Variants in CENPP observed in about 807,000 individuals in gnomAD.
CENPP encodes centromere protein P.
Under a neutral mutation model 35.6 loss-of-function variants are expected in CENPP, and 24 were observed. The ratio of observed to expected loss-of-function variants is 0.67; its 90% CI spans 0.49 to 0.95. The LOEUF is 0.95. Among genes scored for constraint, CENPP ranks in the 40% least tolerant of loss-of-function variants. The pLI, the probability that CENPP is intolerant of heterozygous loss-of-function variation, is 0.00. For synonymous variants in CENPP, 120 were observed against 125.5 expected (o/e 0.96, Z 0.29); for missense variants, 332 against 345.3 (o/e 0.96, Z 0.31).
chr9:92,554,955 G>T (rs1849689992), intron 5 of CENPP, among the ~76,000 whole-genome samples: 1 of 151,916 alleles, frequency 6.6e-6, no homozygotes, highest in African/African-American at 2.4e-5. Context: ...CTAGTATTTT[G>T]TTATGGATTT....
At chr9:92,361,172 A>T (rs962907752) in intron 4 of CENPP, among the ~76,000 whole-genome samples, 17 of 145,698 alleles carry the variant, frequency 1.2e-4, no homozygotes, top group Non-Finnish European at 1.8e-4. Flanking sequence ...ATGGAGTCAC[A>T]CTCTGTTGCC....
In CENPP at chr9:92,385,540, A is replaced by G. The variant is rs763193411; in HGVS notation, c.564+5681A>G. 77 of 1,220,436 alleles carry G rather than the reference A, an allele frequency of 6.3e-5. 1 individual carries two copies. Among genetic ancestry groups the G allele is most frequent in the Non-Finnish European group, 8.4e-5 (72 of 856,958 alleles). The allele number at this position is 1,220,436 out of a possible 1,614,324, so 75.6% of individuals were successfully genotyped here. A position where few individuals can be genotyped will look rare whatever the true frequency, so the allele number is the denominator to read the frequency against. On this transcript the variant is annotated intron_variant, in intron 5 of 7. Coordinates refer to ENST00000375587, the MANE Select transcript of CENPP (RefSeq NM_001012267.3). The stretch of plus-strand genomic sequence containing the variant: ...GAGATACAAGGTTAATATTAAACCA[A>G]TACTTAAGTTCCTTTACTCATTGTT...
At chr9:92,482,652 G>C (rs549582043) in intron 5 of CENPP, 1 of 152,320 alleles carries the variant, frequency 6.6e-6, no homozygotes, top group Admixed American at 6.5e-5. Context: ...ATGGCAACTG[G>C]CCATTGAAAG....
intron 4 of CENPP, among the ~76,000 whole-genome samples, chr9:92,369,203 C>G (rs1159586369): frequency 6.6e-6 from 1 of 152,126 alleles, no homozygotes; most frequent in Non-Finnish European, 1.5e-5. Context: ...ACATGAGGAG[C>G]ACTGGGGTCA....
At chr9:92,546,190 C>A (rs1411837675) in intron 5 of CENPP, among the ~76,000 whole-genome samples, 2 of 152,138 alleles carry the variant, frequency 1.3e-5, no homozygotes, top group African/African-American at 2.4e-5. Context: ...CCAGTCAGTA[C>A]CCTGTCAAAA....
chr9:92,349,564 C>T (rs1021882343), intron 4 of CENPP, among the ~76,000 whole-genome samples: 1 of 151,906 alleles, frequency 6.6e-6, no homozygotes, highest in African/African-American at 2.4e-5. Flanking sequence ...CCACCACACC[C>T]AGCTAGTTTT....
chr9:92,499,335 T>A (rs766793332), intron 5 of CENPP, among the ~76,000 whole-genome samples: 7 of 152,188 alleles, frequency 4.6e-5, no homozygotes, highest in Non-Finnish European at 1.0e-4. Flanking sequence ...CCTTTCAAAG[T>A]GACAAAGCAG....
At chr9:92,415,448 T>A (rs749784877) in intron 5 of CENPP, 6 of 1,610,702 alleles carry the variant, frequency 3.7e-6, no homozygotes. Flanking sequence ...AGTGGGTCAA[T>A]AGAAGGACAC....
intron 5 of CENPP, among the ~76,000 whole-genome samples, chr9:92,595,724 C>A (rs1351599556): frequency 6.6e-6 from 1 of 151,924 alleles, no homozygotes; most frequent in African/African-American, 2.4e-5. Flanking sequence ...CACCACCATG[C>A]CTGGGTAATT....
chr9:92,526,293 G>C (rs574529113), intron 5 of CENPP, among the ~76,000 whole-genome samples: 5 of 152,234 alleles, frequency 3.3e-5, no homozygotes, highest in African/African-American at 1.2e-4. Flanking sequence ...ACGCTATAAA[G>C]AAAGAAAATA....
intron 5 of CENPP, among the ~76,000 whole-genome samples, chr9:92,441,934 T>G (rs1844401563): frequency 6.6e-6 from 1 of 152,158 alleles, no homozygotes; most frequent in Non-Finnish European, 1.5e-5. Flanking sequence ...TATTTTTTGG[T>G]ATGGTAATTG....
At chr9:92,521,677 A>G (rs922991194) in intron 5 of CENPP, among the ~76,000 whole-genome samples, 2 of 152,200 alleles carry the variant, frequency 1.3e-5, no homozygotes, top group East Asian at 3.8e-4. Context: ...AAAAATGCCT[A>G]ATTGAAATCT....
intron 5 of CENPP, among the ~76,000 whole-genome samples, chr9:92,543,353 G>T (rs1001620656): frequency 6.6e-6 from 1 of 151,376 alleles, no homozygotes; most frequent in African/African-American, 2.4e-5. Context: ...CGTACCTGTA[G>T]TCTCAGCTAC....
chr9:92,455,077 G>A (rs572310776), intron 5 of CENPP, among the ~76,000 whole-genome samples: 1 of 152,306 alleles, frequency 6.6e-6, no homozygotes, highest in South Asian at 2.1e-4. Flanking sequence ...AATTTCTGGA[G>A]AAATTGTTGT....
In CENPP at chr9:92,542,082, G is replaced by A. The variant is rs1286866530; in HGVS notation, c.565-69232G>A. ...GCTGGGATTATAGGCGTGAGCCACT[G>A]CACCCAGCCTGTGATTTTATTTCCT... On this transcript the variant is annotated intron_variant, in intron 5 of 7. Coordinates refer to ENST00000375587, the MANE Select transcript of CENPP (RefSeq NM_001012267.3). Among the ~76,000 whole-genome samples the A allele has an allele frequency of 2.0e-5, 3 of 152,172 alleles. No individual in the cohort carries two copies. The East Asian group carries it at 5.8e-4, about 29-fold the overall frequency.
At chr9:92,329,181 G>A (rs996419323) in intron 1 of CENPP, among the ~76,000 whole-genome samples, 1 of 135,258 alleles carries the variant, frequency 7.4e-6, no homozygotes, top group African/African-American at 2.9e-5. Flanking sequence ...TATATTTATG[G>A]CTTTTTTTTT....
intron 5 of CENPP, among the ~76,000 whole-genome samples, chr9:92,441,022 C>T (rs953627532): frequency 1.6e-4 from 25 of 152,226 alleles, no homozygotes; most frequent in African/African-American, 5.3e-4. Flanking sequence ...GAATCATCAC[C>T]GAACTTCGTA....
chr9:92,505,544 C>G (rs771702093), intron 5 of CENPP: 3 of 1,598,284 alleles, frequency 1.9e-6, no homozygotes, highest in Non-Finnish European at 2.6e-6. Flanking sequence ...TCAATAGAAC[C>G]AGGAAGACCC....
chr9:92,533,328 A>AAATAT (rs1554683138), intron 5 of CENPP, among the ~76,000 whole-genome samples: 12 of 38,340 alleles, frequency 3.1e-4, no homozygotes, highest in East Asian at 7.4e-4. Flanking sequence ...AAAAAAAAAA[A>AAATAT]ATATATATAT....
Sources: gnomAD v4.1 joint callset for allele counts (sites outside exome capture counted in the v4.1 genomes callset) on GRCh38, gnomAD v4.1.1 for gene constraint, MANE v1.5 for transcripts, NCBI Gene and HGNC (gene_info 2026-07-23, HGNC 2026-07-21) for gene names.